GTF2H1: variants seen among roughly 807,000 people sequenced by gnomAD.
The protein encoded by GTF2H1 is general transcription factor IIH subunit 1.
Under a neutral mutation model 71.2 loss-of-function variants are expected in GTF2H1, and 16 were observed. That is an observed-to-expected ratio of 0.22 (90% CI 0.15 to 0.34). The LOEUF is 0.34. Among genes scored for constraint, GTF2H1 ranks in the 10% least tolerant of loss-of-function variants. The probability of loss-of-function intolerance (pLI) is 1.00; values close to 1 mark genes in which losing one functional copy is unlikely to be tolerated. For missense variants in GTF2H1, 498 were observed against 648.2 expected, an observed-to-expected ratio of 0.77 and a Z score of 2.52; for synonymous variants, 215 against 219.0, an observed-to-expected ratio of 0.98 and a Z score of 0.16.
intron 1 of GTF2H1, among the ~76,000 whole-genome samples, chr11:18,331,315 C>G (rs1864890091): frequency 6.6e-6 from 1 of 152,140 alleles, no homozygotes; most frequent in African/African-American, 2.4e-5. Flanking sequence ...CACAGCCTCC[C>G]AAAGTGCTGG....
intron 9 of GTF2H1, 110 bp from the exon 10 acceptor site, chr11:18,351,768 CATG>C: frequency 1.7e-6 from 1 of 602,884 alleles, no homozygotes; most frequent in African/African-American, 1.8e-5. Flanking sequence ...AAGAGAAGCT[CATG>C]GTGGGAAGAC....
intron 1 of GTF2H1, among the ~76,000 whole-genome samples, chr11:18,327,906 T>A (rs1864802457): frequency 6.6e-6 from 1 of 152,206 alleles, no homozygotes; most frequent in African/African-American, 2.4e-5. Context: ...TAGATTTTTT[T>A]AAATTTAAGA....
intron 7 of GTF2H1, among the ~76,000 whole-genome samples, chr11:18,346,600 C>A (rs1865298427): frequency 6.6e-6 from 1 of 152,072 alleles, no homozygotes; most frequent in African/African-American, 2.4e-5. Context: ...TCATTTTATT[C>A]TCTTTTATCC....
intron 13 of GTF2H1, among the ~76,000 whole-genome samples, chr11:18,359,552 C>T (rs1865647182): frequency 6.6e-6 from 1 of 151,830 alleles, no homozygotes; most frequent in African/African-American, 2.4e-5. Flanking sequence ...AAATGAAATT[C>T]AACATTTAGA....
chr11:18,341,674 C>A, intron 7 of GTF2H1, 67 bp downstream of exon 7: 2 of 928,862 alleles, frequency 2.2e-6, no homozygotes, highest in South Asian at 1.5e-5. Flanking sequence ...TTGTCTTAAG[C>A]GTAGTAGACC....
At chr11:18,356,395 A>G (rs929891784) in intron 11 of GTF2H1, among the ~76,000 whole-genome samples, 1 of 151,962 alleles carries the variant, frequency 6.6e-6, no homozygotes, top group African/African-American at 2.4e-5. Context: ...AAAAAAAAAA[A>G]AAATCTGGGC....
At chr11:18,365,739 C>A in intron 14 of GTF2H1, 44 bp from the exon 15 acceptor site, 1 of 1,343,112 alleles carries the variant, frequency 7.4e-7, no homozygotes. Flanking sequence ...GATTAACTTC[C>A]CCTGCTTTTG....
chr11:18,331,637 G>T (rs551898158), intron 1 of GTF2H1, among the ~76,000 whole-genome samples: 1 of 151,954 alleles, frequency 6.6e-6, no homozygotes, highest in East Asian at 1.9e-4. Flanking sequence ...TTGCATTCCA[G>T]CCTGGGCAAC....
chr11:18,330,998 T>C (rs1247457612), intron 1 of GTF2H1, among the ~76,000 whole-genome samples: 1 of 152,234 alleles, frequency 6.6e-6, no homozygotes, highest in African/African-American at 2.4e-5. Context: ...TTTTTATTTC[T>C]AACTCATTGT....
intron 3 of GTF2H1, among the ~76,000 whole-genome samples, chr11:18,337,408 G>A (rs1865053940): frequency 1.3e-5 from 2 of 152,158 alleles, no homozygotes; most frequent in East Asian, 3.9e-4. Flanking sequence ...TCATGCCAGT[G>A]CACTCTAGCC....
At chr11:18,337,013 A>G (rs1404201921) in intron 3 of GTF2H1, among the ~76,000 whole-genome samples, 1 of 152,156 alleles carries the variant, frequency 6.6e-6, no homozygotes, top group African/African-American at 2.4e-5. Flanking sequence ...GGCCTTCCAA[A>G]GTGCTGGGAT....
At chr11:18,357,384 C>T (rs1865580562) in intron 11 of GTF2H1, among the ~76,000 whole-genome samples, 1 of 151,906 alleles carries the variant, frequency 6.6e-6, no homozygotes, top group African/African-American at 2.4e-5. Flanking sequence ...AATTTCTGCT[C>T]TTTATTTTTT....
intron 11 of GTF2H1, among the ~76,000 whole-genome samples, chr11:18,357,416 G>A (rs377312690): frequency 9.9e-5 from 15 of 152,068 alleles, no homozygotes; most frequent in African/African-American, 3.4e-4. Context: ...CTGTTATCAA[G>A]GGTATATGTT....
At chr11:18,357,837 A>AAAAT in intron 11 of GTF2H1, 115 bp from the exon 12 acceptor site, 1 of 720,178 alleles carries the variant, frequency 1.4e-6, no homozygotes. Flanking sequence ...TGTAGTATTT[A>AAAAT]AACAAAAGGA....
At chr11:18,354,428 T>C (rs1043178449) in intron 11 of GTF2H1, among the ~76,000 whole-genome samples, 1 of 152,236 alleles carries the variant, frequency 6.6e-6, no homozygotes, top group East Asian at 1.9e-4. Context: ...TTTATTTTTA[T>C]TTTTTAATAT....
intron 13 of GTF2H1, 46 bp from the exon 14 acceptor site, chr11:18,360,569 A>G (rs934922151): frequency 2.2e-6 from 2 of 926,284 alleles, no homozygotes; most frequent in South Asian, 3.1e-5. Flanking sequence ...GTTGGTCTCT[A>G]CAGCTTGAGA....
At position 18,358,009 on chromosome 11, in the gene GTF2H1, C is replaced by G; in HGVS notation, c.1318C>G (p.Leu440Val). ...TITALSPGGALMQGGTQQAIN... is the reference protein window; with the variant it reads ...TITALSPGGAVMQGGTQQAIN... ...CACAGCACTGTCACCTGGAGGGGCA[C>G]TTATGCAGGGAGGAACACAGCAAGC... The change falls in exon 12 of 15, where the codon CTT (leucine) becomes GTT (valine). Residue 440 changes from leucine to valine, a missense_variant. By Grantham distance (32) the Leu-to-Val change is conservative. Coordinates refer to ENST00000265963, the MANE Select transcript of GTF2H1 (RefSeq NM_005316.4). The G allele has an allele frequency of 6.2e-7, 1 of 1,612,740 alleles. No individual in the cohort carries two copies. Among genetic ancestry groups the G allele is most frequent in the Non-Finnish European group, 8.5e-7 (1 of 1,178,878 alleles).
At position 18,341,256 on chromosome 11, in the gene GTF2H1, C is replaced by G; in HGVS notation, c.608-5C>G. 6.3e-7 allele frequency: 1 copy of G among 1,599,648 alleles called. No individual in the cohort carries two copies. Among genetic ancestry groups the G allele is most frequent in the Non-Finnish European group, 8.5e-7 (1 of 1,175,238 alleles). The stretch of plus-strand genomic sequence containing the variant: ...TATATAATATTTGTGGGTTTTTTTC[C>G]ACAGTAAAAATGAAATATGCAGAAA... On this transcript the variant is annotated splice_region_variant and splice_polypyrimidine_tract_variant and intron_variant, in intron 5 of 14. Coordinates refer to ENST00000265963, the MANE Select transcript of GTF2H1 (RefSeq NM_005316.4).
intron 2 of GTF2H1, 35 bp downstream of exon 2, chr11:18,333,263 A>C (rs1451901249): frequency 1.4e-6 from 2 of 1,446,556 alleles, no homozygotes; most frequent in East Asian, 4.6e-5. Context: ...ATGTATTTGT[A>C]TGTCATAGTT....
Sources: allele counts gnomAD v4.1 joint callset (sites outside exome capture counted in the v4.1 genomes callset), GRCh38; gene constraint gnomAD v4.1.1; transcripts MANE v1.5; gene names NCBI Gene and HGNC (gene_info 2026-07-23, HGNC 2026-07-21).